ZNF704: variants seen among roughly 807,000 people sequenced by gnomAD.
The protein encoded by ZNF704 is zinc finger protein 704, also known as glucocorticoid induced gene 1.
ZNF704 carries 10 observed loss-of-function variants against 44.7 expected under a neutral mutation model. The observed-to-expected ratio is 0.22, with a 90% CI of 0.14 to 0.38. ZNF704 has a LOEUF of 0.38. Among genes scored for constraint, ZNF704 ranks in the 10% least tolerant of loss-of-function variants. ZNF704 has a pLI of 1.00. For synonymous variants in ZNF704, 211 were observed against 207.6 expected (o/e 1.02, Z -0.14); for missense variants, 390 against 545.5 (o/e 0.71, Z 2.84).
chr8:80,754,971 A>G (rs1346052205), intron 2 of ZNF704, among the ~76,000 whole-genome samples: 1 of 152,208 alleles, frequency 6.6e-6, no homozygotes, highest in Admixed American at 6.5e-5. Flanking sequence ...TCTGACCAAT[A>G]TAGTAAATTA....
At chr8:80,738,651 T>C (rs964387247) in intron 2 of ZNF704, among the ~76,000 whole-genome samples, 2 of 152,034 alleles carry the variant, frequency 1.3e-5, no homozygotes, top group African/African-American at 4.8e-5. Context: ...TATTTTAATA[T>C]TCTACAAGAT....
At position 80,663,159 on chromosome 8, in the gene ZNF704, T is replaced by C. The variant is rs12546687; in HGVS notation, c.927+1656A>G. ...TGTTGGGAGGCCAACATGGGAGGAC[T>C]GCTTGAAGACAGGAGTTCGAGACCA... is the stretch of plus-strand genomic sequence containing the variant. On this transcript the variant is annotated intron_variant, in intron 6 of 8. Coordinates refer to ENST00000327835, the MANE Select transcript of ZNF704 (RefSeq NM_001033723.3). Among the ~76,000 whole-genome samples, 461 of 152,226 alleles carry C rather than the reference T, an allele frequency of 3.0e-3. 7 individuals are homozygous for C. The highest frequency in any genetic ancestry group is 0.028 in the Admixed American group (433 of 15,282).
intron 2 of ZNF704, among the ~76,000 whole-genome samples, chr8:80,724,161 T>C (rs1806429876): frequency 6.6e-6 from 1 of 152,214 alleles, no homozygotes; most frequent in African/African-American, 2.4e-5. Context: ...TTTTCTTCTA[T>C]GCAATTCAAA....
rs1455715838 is a variant in ZNF704, at chr8:80,641,642, C to T, written c.1128-165G>A. Reference sequence around the variant, plus strand: ...CAGCACTTTGGGAGGCTGAGGTGGGCGGATCACCAGAGGTCAGGAGTTTGA... The same window carrying T: ...CAGCACTTTGGGAGGCTGAGGTGGGTGGATCACCAGAGGTCAGGAGTTTGA... On this transcript the variant is annotated intron_variant, in intron 8 of 8. Transcript: ENST00000327835. Among the ~76,000 whole-genome samples the T allele has an allele frequency of 4.6e-5, 7 of 150,582 alleles. No individual in the cohort carries two copies. In the South Asian group the frequency reaches 1.5e-3, roughly 32 times the overall value.
intron 7 of ZNF704, among the ~76,000 whole-genome samples, chr8:80,655,678 C>A (rs1357281641): frequency 6.6e-6 from 1 of 152,164 alleles, no homozygotes; most frequent in Non-Finnish European, 1.5e-5. Flanking sequence ...GCAAGTAAGC[C>A]TCACACTAAA....
intron 2 of ZNF704, among the ~76,000 whole-genome samples, chr8:80,751,534 G>A (rs1232774405): frequency 6.6e-6 from 1 of 152,212 alleles, no homozygotes; most frequent in Non-Finnish European, 1.5e-5. Flanking sequence ...ATGGAAGATA[G>A]TATGAGTAAA....
At chr8:80,756,269 G>C (rs1807033299) in intron 2 of ZNF704, among the ~76,000 whole-genome samples, 1 of 152,104 alleles carries the variant, frequency 6.6e-6, no homozygotes, top group Non-Finnish European at 1.5e-5. Context: ...CTGGCACCCA[G>C]ATCTGTGAAC....
At chr8:80,774,560 A>C (rs1370922375) in intron 2 of ZNF704, among the ~76,000 whole-genome samples, 3 of 152,118 alleles carry the variant, frequency 2.0e-5, no homozygotes, top group Non-Finnish European at 4.4e-5. Context: ...GTCTCTGCTC[A>C]CACCATGAAG....
intron 2 of ZNF704, chr8:80,812,364 G>A (rs539267730): frequency 3.3e-5 from 6 of 181,402 alleles, no homozygotes; most frequent in South Asian, 1.4e-4. Context: ...CAGTTTTTTC[G>A]CAACATCATC....
intron 2 of ZNF704, among the ~76,000 whole-genome samples, chr8:80,803,190 A>T (rs1248572677): frequency 1.3e-5 from 2 of 152,192 alleles, no homozygotes; most frequent in African/African-American, 4.8e-5. Context: ...ATCAGAGGAC[A>T]CTAAACAAAT....
intron 5 of ZNF704, among the ~76,000 whole-genome samples, chr8:80,665,487 C>A (rs1456990785): frequency 7.6e-6 from 1 of 132,388 alleles, no homozygotes. Context: ...TATACATGGA[C>A]ACAGAAAGTG....
chr8:80,635,059 T>A lies in ZNF704; in HGVS notation c.*6307A>T, dbSNP rs1332604363. 1 of 152,232 alleles carries A rather than the reference T, an allele frequency of 6.6e-6. No homozygotes were observed. Among genetic ancestry groups the A allele is most frequent in the African/African-American group, 2.4e-5 (1 of 41,464 alleles). 9.4% of individuals were successfully genotyped at this position (152,232 alleles called of 1,614,324 possible). On this transcript the variant is annotated 3_prime_UTR_variant, in exon 9 of 9. Coordinates refer to ENST00000327835, the MANE Select transcript of ZNF704 (RefSeq NM_001033723.3). ...TCTGAGTGACCTTCTGACCACCTCA[T>A]AAGAGCTGCCCAACGGGTGTATGGC... is the stretch of plus-strand genomic sequence containing the variant.
At chr8:80,832,958 G>C (rs1043540611) in intron 1 of ZNF704, among the ~76,000 whole-genome samples, 3 of 152,196 alleles carry the variant, frequency 2.0e-5, no homozygotes, top group African/African-American at 7.2e-5. Flanking sequence ...ACTGTGTGGA[G>C]TGCAAATCAG....
intron 1 of ZNF704, among the ~76,000 whole-genome samples, chr8:80,868,597 T>A (rs1022431031): frequency 7.2e-5 from 11 of 152,270 alleles, no homozygotes; most frequent in African/African-American, 2.4e-4. Context: ...GGAGCTATAC[T>A]GATTCCCAAG....
chr8:80,861,733 T>C (rs1420171792), intron 1 of ZNF704, among the ~76,000 whole-genome samples: 1 of 151,754 alleles, frequency 6.6e-6, no homozygotes, highest in African/African-American at 2.4e-5. Flanking sequence ...TTAAATATCA[T>C]CTAGTGGCCC....
intron 1 of ZNF704, among the ~76,000 whole-genome samples, chr8:80,851,468 G>A (rs191061970): frequency 2.5e-4 from 38 of 150,830 alleles, no homozygotes; most frequent in South Asian, 8.4e-4. Flanking sequence ...GCAAACTATC[G>A]CAAGGACAAA....
intron 1 of ZNF704, among the ~76,000 whole-genome samples, chr8:80,856,011 G>A (rs556687703): frequency 1.3e-5 from 2 of 152,300 alleles, no homozygotes; most frequent in African/African-American, 4.8e-5. Flanking sequence ...GGGCTGGAGT[G>A]CAGTTGCGTG....
At chr8:80,836,952 T>C (rs1039205508) in intron 1 of ZNF704, among the ~76,000 whole-genome samples, 2 of 152,188 alleles carry the variant, frequency 1.3e-5, no homozygotes, top group Non-Finnish European at 2.9e-5. Context: ...CAGGCATTTT[T>C]TTTTTTGCTT....
chr8:80,682,122 T>C (rs1200390118), intron 4 of ZNF704, among the ~76,000 whole-genome samples: 2 of 152,164 alleles, frequency 1.3e-5, no homozygotes, highest in African/African-American at 2.4e-5. Flanking sequence ...TGCTCAAAAT[T>C]AGTGGGTTAG....
Sources: allele counts gnomAD v4.1 joint callset (sites outside exome capture counted in the v4.1 genomes callset), GRCh38; gene constraint gnomAD v4.1.1; transcripts MANE v1.5; gene names NCBI Gene and HGNC (gene_info 2026-07-23, HGNC 2026-07-21).